Variants in ZNF653 observed in about 807,000 individuals in gnomAD.
ZNF653 encodes the protein zinc finger protein 653.
Under a neutral mutation model 59.9 loss-of-function variants are expected in ZNF653, and 37 were observed. The ratio of observed to expected loss-of-function variants is 0.62; its 90% CI spans 0.48 to 0.81. ZNF653 has a LOEUF of 0.81. Ranked by LOEUF, ZNF653 falls within the 40% of genes least tolerant of loss-of-function variation. ZNF653 has a pLI of 0.00. For missense variants in ZNF653, 808 were observed against 881.1 expected, an observed-to-expected ratio of 0.92 and a Z score of 1.05; for synonymous variants, 435 against 371.8, an observed-to-expected ratio of 1.17 and a Z score of -1.96.
At chr19:11,486,229 G>T (rs1421314334) in intron 6 of ZNF653, among the ~76,000 whole-genome samples, 1 of 152,184 alleles carries the variant, frequency 6.6e-6, no homozygotes, top group African/African-American at 2.4e-5. Flanking sequence ...AAAGTGCTGG[G>T]ATTACAGGTG....
rs755765245 is a variant in ZNF653, at chr19:11,496,157, G to A, written c.352C>T (p.Arg118Cys). The A allele has an allele frequency of 2.2e-5, 35 of 1,613,538 alleles. No individual in the cohort carries two copies. Among genetic ancestry groups the A allele is most frequent in the East Asian group, 4.5e-5 (2 of 44,894 alleles). Residue 118 changes from arginine to cysteine, a missense_variant, in exon 3 of 9, where the codon CGC becomes TGC. Coordinates refer to ENST00000293771, the MANE Select transcript of ZNF653 (RefSeq NM_138783.4). ...ACGTTCTTCAGGCAGTTCACGTTGC[G>A]TCGCCGCCCTATGGACACAGGGCCG... is the stretch of plus-strand genomic sequence containing the variant. ...KKPKRKKRRR[R>C]NVNCLKNVVI... is the part of the protein sequence containing the mutation.
rs1480039092 is a variant in ZNF653, at chr19:11,486,864, G to A, written c.1360C>T (p.Arg454Trp). 21 of 1,610,906 alleles carry A rather than the reference G, an allele frequency of 1.3e-5. No individual in the cohort carries two copies. The highest frequency in any genetic ancestry group is 4.0e-5 in the African/African-American group (3 of 74,816). Residue 454 changes from arginine to tryptophan, a missense_variant, in exon 6 of 9, where the codon CGG becomes TGG. Transcript: ENST00000293771. ...CCGTCAGCATCCATCACCCGCGACC[G>A]CTTGCTCCGCCGCCTCCTGGAGGGG... ...KEPEKRRRSK[R>W]SRVMDADGLL...
At chr19:11,485,280 C>A (rs1971453809) in intron 7 of ZNF653, among the ~76,000 whole-genome samples, 1 of 151,914 alleles carries the variant, frequency 6.6e-6, no homozygotes, top group African/African-American at 2.4e-5. Context: ...CTCCTTCCTG[C>A]TGCTGCTTGG....
chr19:11,486,458 G>C (rs1029538058), intron 6 of ZNF653, among the ~76,000 whole-genome samples: 1 of 152,242 alleles, frequency 6.6e-6, no homozygotes, highest in Non-Finnish European at 1.5e-5. Context: ...CTGTGGGCCT[G>C]GAACAGGCAG....
At chr19:11,494,391 T>TAACATAA (rs1568395639) in intron 3 of ZNF653, among the ~76,000 whole-genome samples, 65 of 144,264 alleles carry the variant, frequency 4.5e-4, no homozygotes, top group Non-Finnish European at 8.6e-4. Context: ...AAACATAACA[T>TAACATAA]AACATAACAT....
At chr19:11,497,638 A>G (rs1287511989) in intron 2 of ZNF653, among the ~76,000 whole-genome samples, 2 of 152,178 alleles carry the variant, frequency 1.3e-5, no homozygotes, top group Non-Finnish European at 2.9e-5. Flanking sequence ...CGAGGACAGC[A>G]TGTCCCCCAC....
At chr19:11,505,334 G>A (rs1294482303) in intron 1 of ZNF653, 154 bp downstream of exon 1, 6 of 746,448 alleles carry the variant, frequency 8.0e-6, no homozygotes, top group African/African-American at 7.5e-5. Flanking sequence ...GGCGCGTCCC[G>A]GCCAGGCAGT....
intron 5 of ZNF653, 21 bp downstream of exon 5, chr19:11,486,966 C>T (rs775036714): frequency 6.2e-7 from 1 of 1,612,616 alleles, no homozygotes; most frequent in South Asian, 1.1e-5. Flanking sequence ...CGCCCTCACC[C>T]TTGCCCGCCC....
At chr19:11,496,210 G>C in intron 2 of ZNF653, 45 bp from the exon 3 acceptor site, 1 of 1,588,490 alleles carries the variant, frequency 6.3e-7, no homozygotes, top group African/African-American at 1.3e-5. Context: ...ACAGGGCTCA[G>C]CCCATGGTGA....
chr19:11,492,790 G>C (rs898285365), intron 3 of ZNF653, among the ~76,000 whole-genome samples: 1 of 152,216 alleles, frequency 6.6e-6, no homozygotes, highest in African/African-American at 2.4e-5. Context: ...TCCAATAAAT[G>C]AATCAATCTC....
intron 3 of ZNF653, among the ~76,000 whole-genome samples, chr19:11,491,231 C>T (rs889903014): frequency 4.6e-5 from 7 of 152,190 alleles, no homozygotes; most frequent in Admixed American, 2.6e-4. Flanking sequence ...TTCCCAGCAT[C>T]TCTTGCAGGT....
intron 1 of ZNF653, among the ~76,000 whole-genome samples, chr19:11,502,928 G>C (rs910399468): frequency 2.0e-5 from 3 of 152,108 alleles, no homozygotes; most frequent in Non-Finnish European, 2.9e-5. Context: ...CAGCTACTCG[G>C]GAGGCTGAGG....
In ZNF653 at chr19:11,495,268, G is replaced by A. The variant is rs527528025; in HGVS notation, c.559+682C>T. ...CCCTCACTGAGTCCCTGCCCCGTGG[G>A]ATGGGAAGGAGAGAGGCAGGGACCG... On this transcript the variant is annotated intron_variant, in intron 3 of 8. Transcript: ENST00000293771. This position sits in a 1 kb window ranked among gnomAD's most constrained non-coding sequence, Gnocchi z 4.9. 1.1e-4 allele frequency among the ~76,000 whole-genome samples: 17 copies of A among 152,298 alleles called. No homozygotes were observed. Among genetic ancestry groups the A allele is most frequent in the Admixed American group, 8.5e-4 (13 of 15,284 alleles).
At position 11,487,066 on chromosome 19, in the gene ZNF653, C is replaced by T. The variant is rs202096937; in HGVS notation, c.1264G>A (p.Glu422Lys). ...ATTVPESAEP[E>K]AEADGEELDG... ...AGCTCCTCCCCGTCCGCCTCTGCCT[C>T]AGGCTCTGCGCTCTCAGGCACCGTT... The change falls in exon 5 of 9, where the codon GAG becomes AAG. Residue 422 changes from glutamate (E) to lysine (K), a missense_variant. Physicochemically the swap from Glu to Lys is moderately conservative, Grantham distance 56. Coordinates refer to ENST00000293771, the MANE Select transcript of ZNF653 (RefSeq NM_138783.4). This position sits in a 1 kb window ranked among gnomAD's most constrained non-coding sequence, Gnocchi z 5.1. The T allele has an allele frequency of 1.2e-5, 19 of 1,614,170 alleles. No individual in the cohort carries two copies. In the East Asian group the frequency reaches 4.2e-4, roughly 36 times the overall value.
At chr19:11,500,012 T>C (rs1056920433) in intron 1 of ZNF653, among the ~76,000 whole-genome samples, 16 of 152,216 alleles carry the variant, frequency 1.1e-4, no homozygotes, top group Non-Finnish European at 1.9e-4. Context: ...ATGATCGTTA[T>C]GATTATCAGT....
At chr19:11,504,690 C>A in intron 1 of ZNF653, 1 of 426,336 alleles carries the variant, frequency 2.3e-6, no homozygotes, top group Non-Finnish European at 3.1e-6. Flanking sequence ...TGCGGCACTG[C>A]TTGTGATACG....
At position 11,488,006 on chromosome 19, in the gene ZNF653, G is replaced by C. The variant is rs978857173; in HGVS notation, c.560-103C>G. The C allele has an allele frequency of 1.4e-5, 13 of 917,308 alleles. No homozygotes were observed. In the East Asian group the frequency reaches 3.1e-4, roughly 22 times the overall value. 56.8% of individuals were successfully genotyped at this position (917,308 alleles called of 1,614,324 possible). A position where few individuals can be genotyped will look rare whatever the true frequency, so the allele number is the denominator to read the frequency against. ...TATTTATTTATTTATTTATTTTTTT[G>C]AGACAGAGTCTCACTCTGTCACCCA... On this transcript the variant is annotated intron_variant, in intron 3 of 8. Coordinates refer to ENST00000293771, the MANE Select transcript of ZNF653 (RefSeq NM_138783.4).
chr19:11,483,877 CG>C lies in ZNF653; in HGVS notation c.1671-19del. On this transcript the variant is annotated intron_variant, in intron 8 of 8. Transcript: ENST00000293771. Reference sequence around the variant, plus strand: ...TCTCGCACCTGCCGGGAGCCCGTGGCGGGACGGGGCGGGGTCAGAGTGGGCG... The same window carrying C: ...TCTCGCACCTGCCGGGAGCCCGTGGCGGACGGGGCGGGGTCAGAGTGGGCG... The C allele has an allele frequency of 1.5e-6, 1 of 654,428 alleles. No individual in the cohort carries two copies. The highest frequency in any genetic ancestry group is 1.7e-5 in the South Asian group (1 of 57,338). 40.5% of individuals were successfully genotyped at this position (654,428 alleles called of 1,614,324 possible).
chr19:11,498,039 C>T (rs1035897552), intron 2 of ZNF653, among the ~76,000 whole-genome samples: 1 of 152,256 alleles, frequency 6.6e-6, no homozygotes, highest in Non-Finnish European at 1.5e-5. Context: ...TTGGCTCCCC[C>T]TGCCCTTAGG....
Sources: allele counts gnomAD v4.1 joint callset (sites outside exome capture counted in the v4.1 genomes callset), GRCh38; gene constraint gnomAD v4.1.1; non-coding constraint Gnocchi (gnomAD v3.1); transcripts MANE v1.5; gene names NCBI Gene and HGNC (gene_info 2026-07-23, HGNC 2026-07-21).